The following GLS2 variants were observed in gnomAD, a reference collection of about 807,000 sequenced individuals.
The protein encoded by GLS2 is glutaminase 2.
Under a neutral mutation model 79.0 loss-of-function variants are expected in GLS2, and 52 were observed. That is an observed-to-expected ratio of 0.66 (90% confidence interval 0.53 to 0.83). The LOEUF (loss-of-function observed/expected upper bound fraction) is 0.83. Among genes scored for constraint, GLS2 ranks in the 40% least tolerant of loss-of-function variants. The pLI is 0.00. For synonymous variants in GLS2, 238 were observed against 280.8 expected (o/e 0.85, Z 1.52); for missense variants, 561 against 764.8 (o/e 0.73, Z 3.14).
chr12:56,472,525 T>A, intron 15 of GLS2, 165 bp downstream of exon 15: 1 of 650,490 alleles, frequency 1.5e-6, no homozygotes, highest in Non-Finnish European at 2.7e-6. Flanking sequence ...GACAGTTTAC[T>A]TTTTTTAAAA....
At chr12:56,483,594 C>T (rs531927025) in intron 1 of GLS2, among the ~76,000 whole-genome samples, 1 of 151,844 alleles carries the variant, frequency 6.6e-6, no homozygotes, top group Admixed American at 6.6e-5. Flanking sequence ...CTAAAAGAAG[C>T]GTGTGGTAGT....
Position 56,488,145 on chromosome 12 carries a change from G to A in GLS2, c.-27C>T, listed in dbSNP as rs765878349. The A allele has an allele frequency of 2.0e-6, 3 of 1,515,382 alleles. No homozygotes were observed. The highest frequency in any genetic ancestry group is 2.6e-6 in the Non-Finnish European group (3 of 1,141,084). 93.9% of individuals were successfully genotyped at this position (1,515,382 alleles called of 1,614,324 possible). ...CCCCAGCAAGCCTCCGGCTCTGCAG[G>A]TGCGCCCGGGACCTCTAGCTGTGGC... On this transcript the variant is annotated 5_prime_UTR_variant, in exon 1 of 18. Coordinates refer to ENST00000311966, the MANE Select transcript of GLS2 (RefSeq NM_013267.4).
At position 56,478,111 on chromosome 12, in the gene GLS2, A is replaced by T; in HGVS notation, c.615-15T>A. On this transcript the variant is annotated splice_polypyrimidine_tract_variant and intron_variant, in intron 5 of 17. Transcript: ENST00000311966. ...CCACAGAGTGCCTGGAGGCAGACAG[A>T]TGCCATGAAAGGGGTTGGCCTGTGT... 6.2e-7 allele frequency: 1 copy of T among 1,614,028 alleles called. No homozygotes were observed. The highest frequency in any genetic ancestry group is 1.1e-5 in the South Asian group (1 of 91,080).
rs149896158 is a variant in GLS2, at chr12:56,482,877, G to A, written c.183-2490C>T. 3.5e-3 allele frequency among the ~76,000 whole-genome samples: 530 copies of A among 151,960 alleles called. 1 individual carries two copies. The highest frequency in any genetic ancestry group is 5.9e-3 in the Non-Finnish European group (401 of 67,976). On this transcript the variant is annotated intron_variant, in intron 1 of 17. Transcript: ENST00000311966. ...CTCCCAGAGTGCTGGGATTATAGGCGTGAGCCACCGCACCCAGCCAAGCAG... is the reference window on the plus strand; with the variant it reads ...CTCCCAGAGTGCTGGGATTATAGGCATGAGCCACCGCACCCAGCCAAGCAG...
intron 7 of GLS2, chr12:56,476,297 G>A (rs1472303799): frequency 6.2e-6 from 2 of 320,964 alleles, no homozygotes; most frequent in Non-Finnish European, 1.2e-5. Context: ...AAGTAGCTCG[G>A]ATTACAGGCA....
Position 56,475,063 on chromosome 12 carries a change from T to C in GLS2, c.977A>G (p.Tyr326Cys), listed in dbSNP as rs200029075. The C allele has an allele frequency of 1.9e-6, 3 of 1,614,186 alleles. No homozygotes were observed. The highest frequency in any genetic ancestry group is 2.2e-5 in the East Asian group (1 of 44,886). ...GGTTACCTTCTTTTCCTTGAGATAATAGCCGATGGCATAATTCCGATCCCC... is the reference window on the plus strand; with the variant it reads ...GGTTACCTTCTTTTCCTTGAGATAACAGCCGATGGCATAATTCCGATCCCC... ...ETGDRNYAIG[Y>C]YLKEKKCFPK... Residue 326 changes from tyrosine to cysteine, a missense_variant, in exon 10 of 18, where the codon TAT becomes TGT. Tyr to Cys is a radical substitution (Grantham distance 194). Transcript: ENST00000311966.
At position 56,477,925 on chromosome 12, in the gene GLS2, G is replaced by C; in HGVS notation, c.778+8C>G. ...TGTAAGTACGGTCTGAGCCTTGGTA[G>C]TGCTCACCTTCCTCATTGAGGGAGA... is the stretch of plus-strand genomic sequence containing the variant. On this transcript the variant is annotated splice_region_variant and intron_variant, in intron 6 of 17. Coordinates refer to ENST00000311966, the MANE Select transcript of GLS2 (RefSeq NM_013267.4). The C allele has an allele frequency of 6.2e-7, 1 of 1,610,994 alleles. No homozygotes were observed. The highest frequency in any genetic ancestry group is 2.2e-5 in the East Asian group (1 of 44,886).
At chr12:56,474,098 TTC>T (rs371237998) in intron 12 of GLS2, 4,181 of 93,820 alleles carry the variant, frequency 0.045, 147 homozygotes, top group Admixed American at 0.098. Context: ...TTTTCTTTTT[TTC>T]TTTTTTTTTG....
At chr12:56,480,446 C>T in intron 1 of GLS2, 59 bp from the exon 2 acceptor site, 2 of 1,278,938 alleles carry the variant, frequency 1.6e-6, no homozygotes, top group Admixed American at 1.7e-5. Context: ...ACCTGCTCCT[C>T]CTTCTGCAAC....
In GLS2 at chr12:56,471,778, C is replaced by T. The variant is rs1428302222; in HGVS notation, c.1647G>A (p.Lys549=). The T allele has an allele frequency of 6.2e-7, 1 of 1,614,000 alleles. No homozygotes were observed. The highest frequency in any genetic ancestry group is 8.5e-7 in the Non-Finnish European group (1 of 1,180,032). Residue 549 remains lysine, a synonymous_variant, in exon 17 of 18, where the codon AAG becomes AAA. Transcript: ENST00000311966. ...ACTTTTAGCCTATTCCTCACCTGTC[C>T]TTGGCAAAAGGATTCACTTTGCAAG... is the stretch of plus-strand genomic sequence containing the variant. The part of the protein sequence containing the change: ...IEACKVNPFA[K]DRWGNIPLDD...
chr12:56,479,408 A>G (rs1870105549), intron 3 of GLS2: 1 of 496,446 alleles, frequency 2.0e-6, no homozygotes, highest in South Asian at 4.0e-5. Context: ...GATATGAGAA[A>G]AAAAATAAAT....
rs751740951 is a variant in GLS2 at position 56,470,960 on chromosome 12, T to C, written c.*527A>G. The C allele has an allele frequency of 4.4e-4, 72 of 163,580 alleles. No individual in the cohort carries two copies. Among genetic ancestry groups the C allele is most frequent in the Non-Finnish European group, 7.7e-4 (58 of 75,774 alleles). The allele number at this position is 163,580 out of a possible 1,614,324, so 10.1% of individuals were successfully genotyped here. ...ACTGGGTTTAGCAAAAATGATTTGG[T>C]AATTAAAGTTTATTTGAACACAAAA... On this transcript the variant is annotated 3_prime_UTR_variant, in exon 18 of 18. Coordinates refer to ENST00000311966, the MANE Select transcript of GLS2 (RefSeq NM_013267.4).
Position 56,477,451 on chromosome 12 carries a change from TGAGTGGGGATGACG to T in GLS2, c.837+195_837+208del, listed in dbSNP as rs1407878781. 1.4e-5 allele frequency: 7 copies of T among 514,134 alleles called. No homozygotes were observed. In the East Asian group the frequency reaches 2.2e-4, roughly 16 times the overall value. 31.8% of individuals were successfully genotyped at this position (514,134 alleles called of 1,614,324 possible). ...CATGGGTGGGGGCAGGGAACAGTACTGAGTGGGGATGACGGAGGTGGTGCAGTCTCTTATACTGA... is the reference window on the plus strand; with the variant it reads ...CATGGGTGGGGGCAGGGAACAGTACTGAGGTGGTGCAGTCTCTTATACTGA... On this transcript the variant is annotated intron_variant, in intron 7 of 17. Coordinates refer to ENST00000311966, the MANE Select transcript of GLS2 (RefSeq NM_013267.4).
chr12:56,479,694 C>G, intron 3 of GLS2, 86 bp downstream of exon 3: 1 of 1,442,254 alleles, frequency 6.9e-7, no homozygotes. Context: ...TTGAACTATA[C>G]AATTCCCAAA....
rs759572414 is a variant in GLS2 at position 56,484,539 on chromosome 12, C to T, written c.182+3398G>A. On this transcript the variant is annotated intron_variant, in intron 1 of 17. Transcript: ENST00000311966. ...GAGTTTTCCTGCTTCTGGGGAAATCCGGTTGTCACAATGAAGCTAATGCCT... is the reference window on the plus strand; with the variant it reads ...GAGTTTTCCTGCTTCTGGGGAAATCTGGTTGTCACAATGAAGCTAATGCCT... 6.3e-4 allele frequency among the ~76,000 whole-genome samples: 96 copies of T among 152,028 alleles called. 1 individual carries two copies. The highest frequency in any genetic ancestry group is 2.1e-4 in the Non-Finnish European group (14 of 68,012).
intron 2 of GLS2, 104 bp downstream of exon 2, chr12:56,480,184 C>A (rs1323110830): frequency 1.0e-6 from 1 of 979,238 alleles, no homozygotes; most frequent in African/African-American, 1.6e-5. Context: ...GCTTCACCCT[C>A]ATGTAGCAAC....
At chr12:56,482,532 A>C (rs1870376408) in intron 1 of GLS2, among the ~76,000 whole-genome samples, 1 of 152,128 alleles carries the variant, frequency 6.6e-6, no homozygotes, top group Non-Finnish European at 1.5e-5. Context: ...TGACAGAAGA[A>C]TCTCCCTTGC....
chr12:56,484,048 G>A (rs1044097178), intron 1 of GLS2, among the ~76,000 whole-genome samples: 1 of 152,118 alleles, frequency 6.6e-6, no homozygotes, highest in African/African-American at 2.4e-5. Context: ...AAGGTGGGCG[G>A]ATCATGAGGT....
chr12:56,480,258 A>C, intron 2 of GLS2, 30 bp downstream of exon 2: 8 of 1,548,662 alleles, frequency 5.2e-6, no homozygotes, highest in Middle Eastern at 1.7e-4. Context: ...TTAAGGAATT[A>C]GGATCCTGAA....
Sources: gnomAD v4.1 joint callset for allele counts (sites outside exome capture counted in the v4.1 genomes callset) on GRCh38, gnomAD v4.1.1 for gene constraint, MANE v1.5 for transcripts, NCBI Gene and HGNC (gene_info 2026-07-23, HGNC 2026-07-21) for gene names.